Variants in HOMER1 observed in about 807,000 individuals in gnomAD.
HOMER1 encodes homer scaffold protein 1, also known as homer protein homolog 1.
A neutral mutation model predicts 48.9 loss-of-function variants in HOMER1; 3 were observed. The observed-to-expected ratio is 0.06, with a 90% CI of 0.03 to 0.16. The LOEUF (loss-of-function observed/expected upper bound fraction) is 0.16. Among genes scored for constraint, HOMER1 ranks in the 10% least tolerant of loss-of-function variants. The pLI is 1.00. For synonymous variants in HOMER1, 134 were observed against 146.4 expected (o/e 0.92, Z 0.61); for missense variants, 247 against 411.4 (o/e 0.60, Z 3.46).
chr5:79,461,705 T>C (rs1047588840), intron 1 of HOMER1, among the ~76,000 whole-genome samples: 1 of 152,146 alleles, frequency 6.6e-6, no homozygotes, highest in East Asian at 1.9e-4. Flanking sequence ...GAGGTAAATA[T>C]CTCACTGAAA....
intron 1 of HOMER1, among the ~76,000 whole-genome samples, chr5:79,493,015 T>C (rs1425100553): frequency 6.8e-6 from 1 of 147,280 alleles, no homozygotes; most frequent in Non-Finnish European, 1.5e-5. Context: ...GCCTTCCAGG[T>C]TCAAGCAATT....
chr5:79,437,571 C>G (rs1750627343), intron 5 of HOMER1, among the ~76,000 whole-genome samples: 1 of 152,166 alleles, frequency 6.6e-6, no homozygotes, highest in African/African-American at 2.4e-5. Flanking sequence ...CACAATATAT[C>G]TACTGTTTTA....
intron 8 of HOMER1, among the ~76,000 whole-genome samples, chr5:79,381,289 C>T (rs1748964750): frequency 6.6e-6 from 1 of 152,248 alleles, no homozygotes. Flanking sequence ...CTACTGAACA[C>T]ACTCGGAATC....
intron 1 of HOMER1, among the ~76,000 whole-genome samples, chr5:79,500,601 C>A (rs1580039867): frequency 6.6e-6 from 1 of 151,904 alleles, no homozygotes; most frequent in East Asian, 1.9e-4. Context: ...AGATGATTCA[C>A]TTCCATGTAA....
chr5:79,408,501 T>C (rs1006304359), intron 5 of HOMER1, among the ~76,000 whole-genome samples: 2 of 152,124 alleles, frequency 1.3e-5, no homozygotes, highest in African/African-American at 4.8e-5. Flanking sequence ...TCCAAAGGTA[T>C]GATAATACGA....
At chr5:79,451,280 T>C (rs1354342802) in intron 2 of HOMER1, among the ~76,000 whole-genome samples, 159 bp from the exon 3 acceptor site, 2 of 152,216 alleles carry the variant, frequency 1.3e-5, no homozygotes, top group Non-Finnish European at 2.9e-5. Flanking sequence ...TTATAAGTGA[T>C]AGTGTGGAAA....
chr5:79,436,174 AAAT>A (rs1750579797), intron 5 of HOMER1, among the ~76,000 whole-genome samples: 1 of 151,362 alleles, frequency 6.6e-6, no homozygotes, highest in Non-Finnish European at 1.5e-5. Flanking sequence ...ATAAAAAAAT[AAAT>A]AAGATTTTAA....
At chr5:79,398,390 T>C (rs1217784462) in intron 6 of HOMER1, among the ~76,000 whole-genome samples, 5 of 151,924 alleles carry the variant, frequency 3.3e-5, no homozygotes, top group African/African-American at 1.2e-4. Context: ...AAAATTTTGG[T>C]TTACTAGAAG....
At chr5:79,451,199 T>C (rs1426404805) in intron 2 of HOMER1, 78 bp from the exon 3 acceptor site, 2 of 1,453,560 alleles carry the variant, frequency 1.4e-6, no homozygotes, top group Non-Finnish European at 1.9e-6. Context: ...TTCAGTTACA[T>C]AAAAGCTTAA....
intron 1 of HOMER1, chr5:79,510,418 G>A (rs897217983): frequency 9.3e-6 from 6 of 648,538 alleles, no homozygotes; most frequent in African/African-American, 3.6e-5. Flanking sequence ...CAGGAGCCGC[G>A]CCTTAAGGTG....
chr5:79,418,494 T>G (rs1230870166), intron 5 of HOMER1, among the ~76,000 whole-genome samples: 1 of 152,220 alleles, frequency 6.6e-6, no homozygotes, highest in Admixed American at 6.5e-5. Flanking sequence ...CAGCGGACAT[T>G]TGCTTTGCTG....
chr5:79,392,253 G>C (rs1749272084), intron 8 of HOMER1, among the ~76,000 whole-genome samples: 1 of 152,130 alleles, frequency 6.6e-6, no homozygotes, highest in Non-Finnish European at 1.5e-5. Flanking sequence ...AGGTCCTTCA[G>C]GGGGTATTCC....
chr5:79,378,563 T>C (rs138487999), intron 8 of HOMER1, among the ~76,000 whole-genome samples: 1,780 of 152,272 alleles, frequency 0.012, 18 homozygotes, highest in South Asian at 0.023. Flanking sequence ...GTTTTAACTA[T>C]GAGGGAGGAC....
intron 1 of HOMER1, among the ~76,000 whole-genome samples, chr5:79,475,336 T>C (rs1751736229): frequency 6.9e-6 from 1 of 145,668 alleles, no homozygotes; most frequent in African/African-American, 2.5e-5. Flanking sequence ...AATTATTTTA[T>C]CATCTAAACC....
intron 5 of HOMER1, among the ~76,000 whole-genome samples, chr5:79,418,030 A>G (rs1737426898): frequency 6.6e-6 from 1 of 152,234 alleles, no homozygotes; most frequent in Non-Finnish European, 1.5e-5. Context: ...AAACTTTTGC[A>G]TTCAGTTTAA....
chr5:79,411,059 C>G (rs1025692344), intron 5 of HOMER1, among the ~76,000 whole-genome samples: 2 of 152,156 alleles, frequency 1.3e-5, no homozygotes, highest in East Asian at 3.8e-4. Context: ...TGTGGCTGTT[C>G]AGTAAAGTTT....
chr5:79,402,812 A>C (rs1749566324), intron 5 of HOMER1, among the ~76,000 whole-genome samples: 1 of 152,214 alleles, frequency 6.6e-6, no homozygotes, highest in African/African-American at 2.4e-5. Flanking sequence ...TGGGATATGT[A>C]ATGTAGTATT....
chr5:79,501,237 C>T (rs1241037330), intron 1 of HOMER1, among the ~76,000 whole-genome samples: 1 of 152,186 alleles, frequency 6.6e-6, no homozygotes, highest in Non-Finnish European at 1.5e-5. Context: ...TCCCAAAGTG[C>T]TGGGATTACA....
intron 1 of HOMER1, among the ~76,000 whole-genome samples, chr5:79,465,581 C>CTTTTTTTTT (rs1195158421): frequency 1.1e-5 from 1 of 90,410 alleles, no homozygotes; most frequent in African/African-American, 5.0e-5. Context: ...GTTTACATTT[C>CTTTTTTTTT]TTCTTTTTTT....
Sources: gnomAD v4.1 joint callset for allele counts (sites outside exome capture counted in the v4.1 genomes callset) on GRCh38, gnomAD v4.1.1 for gene constraint, MANE v1.5 for transcripts, NCBI Gene and HGNC (gene_info 2026-07-23, HGNC 2026-07-21) for gene names.